Variants in DCC observed in about 807,000 individuals in gnomAD.
The protein encoded by DCC is netrin receptor DCC.
In DCC, 58 loss-of-function variants were observed where a neutral mutation model predicts 172.5. That is an observed-to-expected ratio of 0.34 (90% CI 0.27 to 0.42). DCC has a LOEUF of 0.42. Ranked by LOEUF, DCC falls within the 10% of genes least tolerant of loss-of-function variation. DCC has a pLI of 1.00. For synonymous variants in DCC, 709 were observed against 644.5 expected, an observed-to-expected ratio of 1.10 and a Z score of -1.52; for missense variants, 1,740 against 1,791.0, an observed-to-expected ratio of 0.97 and a Z score of 0.51.
At chr18:53,023,401 C>CAAAAAAAAAAAAAAAAAAAAAAAAAAAA (rs869070422) in intron 5 of DCC, among the ~76,000 whole-genome samples, 2 of 24,428 alleles carry the variant, frequency 8.2e-5, no homozygotes, top group African/African-American at 3.8e-4. Flanking sequence ...TAACTCAGAC[C>CAAAAAAAAAAAAAAAAAAAAAAAAAAAA]AAAAAAAAAA....
At chr18:53,118,752 G>A (rs2043442127) in intron 7 of DCC, among the ~76,000 whole-genome samples, 1 of 151,714 alleles carries the variant, frequency 6.6e-6, no homozygotes, top group Non-Finnish European at 1.5e-5. Context: ...ATCCCTGCTT[G>A]TAGAGGTAGA....
In DCC at chr18:53,188,830, T is replaced by C. The variant is rs577319373; in HGVS notation, c.1573+9714T>C. 2.0e-5 allele frequency among the ~76,000 whole-genome samples: 3 copies of C among 152,286 alleles called. No homozygotes were observed. In the East Asian group the frequency reaches 5.8e-4, roughly 29 times the overall value. ...CTGGCAATCCTTGGCATTCCTTGGC[T>C]GGTAGCTGCATAATTTCAGTCTCTG... On this transcript the variant is annotated intron_variant, in intron 9 of 28. Coordinates refer to ENST00000442544, the MANE Select transcript of DCC (RefSeq NM_005215.4).
rs149880496 is a variant in DCC at position 52,670,862 on chromosome 18, A to G, written c.92-81192A>G. ...TCTCAAAAAGAAAAAAAAAAATCCT[A>G]AAAGCTAACAGGCTGTAGACTATTT... On this transcript the variant is annotated intron_variant, in intron 1 of 28. Transcript: ENST00000442544. Among the ~76,000 whole-genome samples the G allele has an allele frequency of 4.1e-3, 630 of 152,220 alleles. 6 individuals are homozygous for G. Among genetic ancestry groups the G allele is most frequent in the African/African-American group, 0.014 (601 of 41,546 alleles).
intron 5 of DCC, among the ~76,000 whole-genome samples, chr18:53,002,087 A>G (rs2041574347): frequency 6.6e-6 from 1 of 152,138 alleles, no homozygotes; most frequent in South Asian, 2.1e-4. Flanking sequence ...AGAATTAAGT[A>G]ATGACACTAA....
At position 53,242,798 on chromosome 18, in the gene DCC, T is replaced by C. The variant is rs185143718; in HGVS notation, c.1911+27201T>C. On this transcript the variant is annotated intron_variant, in intron 12 of 28. Transcript: ENST00000442544. ...ACATTATCCAATCTTTCACATACTT[T>C]TTATAGGCACTGAATAAAAGTATCC... Among the ~76,000 whole-genome samples the C allele has an allele frequency of 1.6e-4, 24 of 152,232 alleles. No homozygotes were observed. In the South Asian group the frequency reaches 2.3e-3, roughly 14 times the overall value.
chr18:52,634,742 G>C (rs1018843947), intron 1 of DCC, among the ~76,000 whole-genome samples: 3 of 151,990 alleles, frequency 2.0e-5, no homozygotes, highest in African/African-American at 7.3e-5. Context: ...TATTTCTTTG[G>C]TATCTTGATC....
At chr18:52,494,116 G>T (rs1045541836) in intron 1 of DCC, among the ~76,000 whole-genome samples, 21 of 151,924 alleles carry the variant, frequency 1.4e-4, no homozygotes, top group Non-Finnish European at 1.6e-4. Context: ...ATTCTAAGTT[G>T]GAATTTATTT....
At chr18:52,590,972 C>A (rs1389745748) in intron 1 of DCC, among the ~76,000 whole-genome samples, 2 of 152,146 alleles carry the variant, frequency 1.3e-5, no homozygotes, top group Non-Finnish European at 2.9e-5. Flanking sequence ...CTTTAAAAAT[C>A]AATACTGAAT....
At chr18:52,562,771 A>C (rs1388720304) in intron 1 of DCC, among the ~76,000 whole-genome samples, 1 of 152,114 alleles carries the variant, frequency 6.6e-6, no homozygotes, top group East Asian at 1.9e-4. Flanking sequence ...GAACAATTTT[A>C]ATCATTTTCT....
At chr18:52,645,652 A>G (rs145990312) in intron 1 of DCC, among the ~76,000 whole-genome samples, 1 of 152,160 alleles carries the variant, frequency 6.6e-6, no homozygotes, top group Non-Finnish European at 1.5e-5. Context: ...ATAAAAACAA[A>G]AGCTCGTTGG....
At chr18:52,874,790 C>A (rs574281151) in intron 2 of DCC, among the ~76,000 whole-genome samples, 1 of 152,136 alleles carries the variant, frequency 6.6e-6, no homozygotes, top group African/African-American at 2.4e-5. Context: ...AGACAGAAGG[C>A]AGGGCACACT....
intron 12 of DCC, among the ~76,000 whole-genome samples, chr18:53,221,251 C>T (rs1427212331): frequency 6.6e-6 from 1 of 151,982 alleles, no homozygotes. Flanking sequence ...GTACATCTAT[C>T]ACCAGCTTCC....
intron 5 of DCC, among the ~76,000 whole-genome samples, chr18:53,030,341 T>C (rs2042010611): frequency 1.3e-5 from 2 of 152,156 alleles, no homozygotes; most frequent in Non-Finnish European, 2.9e-5. Flanking sequence ...CAGGGAAGGT[T>C]CTGCCACATA....
intron 8 of DCC, among the ~76,000 whole-genome samples, chr18:53,167,544 G>A (rs1452792185): frequency 2.0e-5 from 3 of 152,052 alleles, no homozygotes; most frequent in African/African-American, 2.4e-5. Context: ...CATTTCTAAG[G>A]TCACATTATG....
chr18:52,702,385 T>C (rs568033938), intron 1 of DCC, among the ~76,000 whole-genome samples: 1 of 152,218 alleles, frequency 6.6e-6, no homozygotes, highest in African/African-American at 2.4e-5. Context: ...ACCCCAAAAC[T>C]AGAATCATGA....
chr18:53,329,785 G>T (rs1466121511), intron 14 of DCC, among the ~76,000 whole-genome samples: 1 of 152,032 alleles, frequency 6.6e-6, no homozygotes, highest in Non-Finnish European at 1.5e-5. Flanking sequence ...AGAATCCCAA[G>T]AAATTTTGGA....
chr18:52,770,581 T>C (rs1184047189), intron 2 of DCC, among the ~76,000 whole-genome samples: 1 of 152,212 alleles, frequency 6.6e-6, no homozygotes, highest in Admixed American at 6.5e-5. Context: ...AGTATTATAG[T>C]GTCTGAATGT....
intron 25 of DCC, among the ~76,000 whole-genome samples, chr18:53,485,792 A>G (rs1423826741): frequency 2.0e-5 from 3 of 152,108 alleles, no homozygotes; most frequent in Non-Finnish European, 4.4e-5. Context: ...TACAATATGC[A>G]GTGTAATTTG....
chr18:53,222,013 A>G (rs1278477934), intron 12 of DCC, among the ~76,000 whole-genome samples: 2 of 152,242 alleles, frequency 1.3e-5, no homozygotes, highest in Admixed American at 6.5e-5. Context: ...ATTTTGTCTC[A>G]TATTCCATCA....
Sources: allele counts gnomAD v4.1 joint callset (sites outside exome capture counted in the v4.1 genomes callset), GRCh38; gene constraint gnomAD v4.1.1; transcripts MANE v1.5; gene names NCBI Gene and HGNC (gene_info 2026-07-23, HGNC 2026-07-21).